The following COL4A6 variants were observed in gnomAD, a reference collection of about 807,000 sequenced individuals.
COL4A6 encodes collagen alpha-6(IV) chain.
COL4A6 carries 59 observed loss-of-function variants against 126.7 expected under a neutral mutation model. The ratio of observed to expected loss-of-function variants is 0.47; its 90% CI spans 0.38 to 0.58. COL4A6 has a LOEUF of 0.58. COL4A6 is among the 20% of genes least tolerant of loss of function. The pLI, the probability that COL4A6 is intolerant of heterozygous loss-of-function variation, is 0.00. For missense variants in COL4A6, 1,285 were observed against 1,337.3 expected, an observed-to-expected ratio of 0.96 and a Z score of 0.61; for synonymous variants, 547 against 496.6, an observed-to-expected ratio of 1.10 and a Z score of -1.35.
chrX:108,371,198 T>C (rs2148099698), intron 2 of COL4A6, among the ~76,000 whole-genome samples: 1 of 109,908 alleles, frequency 9.1e-6, no homozygotes, highest in East Asian at 2.9e-4. Context: ...TAAAATAACA[T>C]CTATTGTGTT....
At chrX:108,414,287 T>C (rs765497382) in intron 2 of COL4A6, among the ~76,000 whole-genome samples, 1 of 111,804 alleles carries the variant, frequency 8.9e-6, no homozygotes, top group East Asian at 2.8e-4. Flanking sequence ...TTCCTAAGTG[T>C]ATTCTACATA....
At chrX:108,356,804 C>T (rs1268951749) in intron 2 of COL4A6, among the ~76,000 whole-genome samples, 3 of 110,739 alleles carry the variant, frequency 2.7e-5, no homozygotes, top group Non-Finnish European at 5.7e-5. Context: ...TCAATACAGA[C>T]AGCTCAGGGA....
intron 3 of COL4A6, chrX:108,268,132 A>T (rs909701820): frequency 9.0e-6 from 1 of 111,647 alleles, no homozygotes; most frequent in African/African-American, 3.3e-5. Context: ...GCCAGTGTAT[A>T]TTCCAATAGG....
intron 3 of COL4A6, among the ~76,000 whole-genome samples, chrX:108,252,963 C>A (rs1045974643): frequency 1.8e-5 from 2 of 111,386 alleles, no homozygotes; most frequent in African/African-American, 6.5e-5. Flanking sequence ...TAAAAATAAA[C>A]GTGAACAAAT....
chrX:108,172,258 G>A (rs757083527), intron 32 of COL4A6, among the ~76,000 whole-genome samples: 32 of 106,730 alleles, frequency 3.0e-4, no homozygotes, highest in African/African-American at 1.1e-3. Flanking sequence ...GCTGAGGCAG[G>A]AGAATCGCTT....
intron 6 of COL4A6, among the ~76,000 whole-genome samples, 186 bp from the exon 7 acceptor site, chrX:108,211,926 T>C (rs1198035666): frequency 8.9e-6 from 1 of 111,774 alleles, no homozygotes; most frequent in Non-Finnish European, 1.9e-5. Context: ...CAGAGCTATA[T>C]GCCCTCCCAA....
At position 108,162,907 on chromosome X, in the gene COL4A6, G is replaced by C. The variant is rs1386506128; in HGVS notation, c.4201C>G (p.Pro1401Ala). 8.4e-7 allele frequency: 1 copy of C among 1,189,413 alleles called. No homozygotes were observed. The highest frequency in any genetic ancestry group is 2.4e-5 in the Admixed American group (1 of 41,772). Residue 1401 changes from proline (P) to alanine (A), a missense_variant, in exon 41 of 45, where the codon CCT becomes GCT. Physicochemically the swap from Pro to Ala is conservative, Grantham distance 27. Coordinates refer to ENST00000334504, the MANE Select transcript of COL4A6 (RefSeq NM_033641.4). The stretch of plus-strand genomic sequence containing the variant: ...CCCTCCTCACCTTGTAGGCCTACAG[G>C]GCCTTGAGCCCCAGGGTCCCCAGTG... ...GLTGDPGAQG[P>A]VGLQGSKGLP...
chrX:108,321,105 G>T (rs1437082889), intron 2 of COL4A6, among the ~76,000 whole-genome samples: 1 of 111,591 alleles, frequency 9.0e-6, no homozygotes, highest in Non-Finnish European at 1.9e-5. Flanking sequence ...TCAAGTGCTT[G>T]GTATATTGAG....
chrX:108,196,440 A>C, intron 14 of COL4A6, 71 bp downstream of exon 14: 2 of 1,016,961 alleles, frequency 2.0e-6, no homozygotes, highest in Non-Finnish European at 2.7e-6. Flanking sequence ...CAAAACATAA[A>C]GAAGCAAACA....
chrX:108,162,734 G>A (rs1328926909), intron 41 of COL4A6, among the ~76,000 whole-genome samples, 158 bp downstream of exon 41: 2 of 111,786 alleles, frequency 1.8e-5, no homozygotes, highest in Non-Finnish European at 3.8e-5. Flanking sequence ...TGGTCCTGCT[G>A]GCCCTTCTTC....
chrX:108,354,050 G>A (rs2039902338), intron 2 of COL4A6, among the ~76,000 whole-genome samples: 1 of 111,752 alleles, frequency 8.9e-6, no homozygotes, highest in Admixed American at 9.4e-5. Flanking sequence ...CTATTTGGGA[G>A]GCTGAGGCTC....
chrX:108,303,622 G>C (rs2038553904), intron 3 of COL4A6, among the ~76,000 whole-genome samples: 1 of 111,868 alleles, frequency 8.9e-6, no homozygotes, highest in African/African-American at 3.3e-5. Context: ...CATTTAAAGA[G>C]CGAGTTTCTA....
intron 13 of COL4A6, among the ~76,000 whole-genome samples, chrX:108,198,442 A>G (rs769264973): frequency 6.3e-5 from 7 of 111,327 alleles, no homozygotes; most frequent in Admixed American, 2.9e-4. Flanking sequence ...ATATGTAAAA[A>G]AAAATGTAAA....
At chrX:108,431,591 C>A (rs1016141929) in intron 2 of COL4A6, among the ~76,000 whole-genome samples, 1 of 111,509 alleles carries the variant, frequency 9.0e-6, no homozygotes, top group Non-Finnish European at 1.9e-5. Flanking sequence ...AGATGCATAA[C>A]GGGTGCCAAG....
intron 2 of COL4A6, among the ~76,000 whole-genome samples, chrX:108,412,669 C>T (rs1183793958): frequency 8.9e-6 from 1 of 111,919 alleles, no homozygotes; most frequent in Non-Finnish European, 1.9e-5. Flanking sequence ...CCTCAGGCAC[C>T]AACTTCACTG....
intron 44 of COL4A6, among the ~76,000 whole-genome samples, chrX:108,158,276 C>T (rs918732453): frequency 4.4e-5 from 5 of 112,907 alleles, no homozygotes; most frequent in African/African-American, 1.3e-4. Context: ...GGGTACGGCC[C>T]GTAGAATCCT....
At position 108,178,845 on chromosome X, in the gene COL4A6, C is replaced by T; in HGVS notation, c.2354G>A (p.Gly785Asp). Residue 785 changes from glycine (G) to aspartate (D), a missense_variant and splice_region_variant, in exon 27 of 45, where the codon GGT (glycine) becomes GAT (aspartate). Coordinates refer to ENST00000334504, the MANE Select transcript of COL4A6 (RefSeq NM_033641.4). ...LGDSGLPGLK[G>D]VHGKPGLLGP... ...TAGTAAGCCAGGCTTCCCGTGCACA[C>T]CTGATAAAAGAAAAGGGCAAATGAT... 1 of 1,203,017 alleles carries T rather than the reference C, an allele frequency of 8.3e-7. No homozygotes were observed. The highest frequency in any genetic ancestry group is 1.1e-6 in the Non-Finnish European group (1 of 892,180).
chrX:108,159,114 C>T (rs1038510979), intron 44 of COL4A6, among the ~76,000 whole-genome samples: 1 of 111,438 alleles, frequency 9.0e-6, no homozygotes, highest in African/African-American at 3.3e-5. Context: ...GTCCTGGCCC[C>T]AAGTGGTGAC....
intron 3 of COL4A6, among the ~76,000 whole-genome samples, chrX:108,235,358 T>G (rs1005625633): frequency 3.6e-5 from 4 of 111,666 alleles, no homozygotes; most frequent in Non-Finnish European, 7.5e-5. Context: ...GTATAAATTA[T>G]GTACAACATT....
Sources: gnomAD v4.1 joint callset for allele counts (sites outside exome capture counted in the v4.1 genomes callset) on GRCh38, gnomAD v4.1.1 for gene constraint, MANE v1.5 for transcripts, NCBI Gene and HGNC (gene_info 2026-07-23, HGNC 2026-07-21) for gene names.